Variants in TNR observed in about 807,000 individuals in gnomAD.
The protein encoded by TNR is tenascin-R.
A neutral mutation model predicts 150.4 loss-of-function variants in TNR; 45 were observed. That is an observed-to-expected ratio of 0.30 (90% CI 0.24 to 0.38). TNR has a LOEUF of 0.38. Ranked by LOEUF, TNR falls within the 10% of genes least tolerant of loss-of-function variation. The pLI, the probability that TNR is intolerant of heterozygous loss-of-function variation, is 1.00. For synonymous variants in TNR, 687 were observed against 678.4 expected, an observed-to-expected ratio of 1.01 and a Z score of -0.20; for missense variants, 1,544 against 1,759.1, an observed-to-expected ratio of 0.88 and a Z score of 2.19.
intron 1 of TNR, among the ~76,000 whole-genome samples, chr1:175,630,718 T>A (rs887892281): frequency 1.3e-5 from 2 of 152,358 alleles, no homozygotes; most frequent in East Asian, 3.9e-4. Flanking sequence ...ATCCTTTTAA[T>A]GAATAAAACA....
chr1:175,338,576 G>C (rs1371763915), intron 18 of TNR, among the ~76,000 whole-genome samples: 1 of 152,140 alleles, frequency 6.6e-6, no homozygotes. Context: ...TGATCTTCTG[G>C]GTTGATGAAG....
At chr1:175,608,173 A>T (rs1200062109) in intron 1 of TNR, among the ~76,000 whole-genome samples, 1 of 152,242 alleles carries the variant, frequency 6.6e-6, no homozygotes, top group Non-Finnish European at 1.5e-5. Flanking sequence ...AGTGAATCCA[A>T]TCAGTAAAAT....
At chr1:175,669,804 G>A (rs751263727) in intron 1 of TNR, among the ~76,000 whole-genome samples, 7 of 152,164 alleles carry the variant, frequency 4.6e-5, no homozygotes, top group East Asian at 1.9e-4. Context: ...ATACCAATCT[G>A]AGTCATTGGT....
intron 2 of TNR, among the ~76,000 whole-genome samples, chr1:175,462,864 T>C (rs1305628692): frequency 1.3e-5 from 2 of 152,166 alleles, no homozygotes; most frequent in Non-Finnish European, 2.9e-5. Flanking sequence ...TTGAAAGGGC[T>C]ATAAGGGAGG....
At chr1:175,566,740 C>T (rs936394231) in intron 1 of TNR, among the ~76,000 whole-genome samples, 18 of 152,174 alleles carry the variant, frequency 1.2e-4, no homozygotes, top group Admixed American at 1.2e-3. Flanking sequence ...GTTCTGATTC[C>T]CCAGATTAAT....
intron 18 of TNR, among the ~76,000 whole-genome samples, chr1:175,352,943 G>T (rs1376042146): frequency 6.6e-6 from 1 of 152,082 alleles, no homozygotes; most frequent in Non-Finnish European, 1.5e-5. Flanking sequence ...CACCTCTCTG[G>T]GGATGGAGGA....
chr1:175,417,011 AAAAGAAAGAAAGAAAGAAAG>A (rs61354589), intron 2 of TNR, among the ~76,000 whole-genome samples: 12 of 90,902 alleles, frequency 1.3e-4, no homozygotes, highest in South Asian at 7.2e-4. Context: ...CCATCTCAAA[AAAAGAAAGAAAGAAAGAAAG>A]AAAGAAAGAA....
intron 1 of TNR, among the ~76,000 whole-genome samples, chr1:175,729,548 C>T (rs1475845866): frequency 1.3e-5 from 2 of 152,130 alleles, no homozygotes; most frequent in Non-Finnish European, 2.9e-5. Flanking sequence ...CTACCTCAAC[C>T]TCCCAAAACA....
At chr1:175,614,976 G>A (rs1410852488) in intron 1 of TNR, among the ~76,000 whole-genome samples, 2 of 152,254 alleles carry the variant, frequency 1.3e-5, no homozygotes, top group Non-Finnish European at 2.9e-5. Flanking sequence ...CCACAGCCTG[G>A]AGGGCTGCTA....
At chr1:175,448,384 G>C (rs1571454460) in intron 2 of TNR, among the ~76,000 whole-genome samples, 1 of 152,052 alleles carries the variant, frequency 6.6e-6, no homozygotes, top group Non-Finnish European at 1.5e-5. Context: ...GCTAATTTTT[G>C]TATTTTTAGT....
At chr1:175,331,343 A>T (rs1649921083) in intron 20 of TNR, among the ~76,000 whole-genome samples, 3 of 145,122 alleles carry the variant, frequency 2.1e-5, no homozygotes, top group African/African-American at 7.7e-5. Flanking sequence ...GGCTCACTGC[A>T]AGCTCCACCT....
chr1:175,426,801 T>TAATATATATAAAATATA (rs1362077924), intron 2 of TNR, among the ~76,000 whole-genome samples: 3 of 140,384 alleles, frequency 2.1e-5, no homozygotes, highest in Non-Finnish European at 4.5e-5. Flanking sequence ...TGTATATATA[T>TAATATATATAAAATATA]AATATATATA....
chr1:175,696,229 T>TTGTTGTTGTTG (rs1558077885), intron 1 of TNR, among the ~76,000 whole-genome samples: 5 of 121,648 alleles, frequency 4.1e-5, no homozygotes, highest in African/African-American at 1.6e-4. Flanking sequence ...TTTTTTTTTT[T>TTGTTGTTGTTG]TTTTTTTTTT....
chr1:175,625,848 T>A (rs1397466588), intron 1 of TNR, among the ~76,000 whole-genome samples: 1 of 152,176 alleles, frequency 6.6e-6, no homozygotes, highest in African/African-American at 2.4e-5. Context: ...CCCCACAGGC[T>A]GAAATGATAT....
At chr1:175,476,314 A>T (rs1225193002) in intron 2 of TNR, among the ~76,000 whole-genome samples, 1 of 152,168 alleles carries the variant, frequency 6.6e-6, no homozygotes, top group Non-Finnish European at 1.5e-5. Context: ...AGTCTAATTG[A>T]CAAGATTTCC....
intron 1 of TNR, among the ~76,000 whole-genome samples, chr1:175,707,551 T>C (rs1215368026): frequency 6.6e-6 from 1 of 152,224 alleles, no homozygotes; most frequent in Non-Finnish European, 1.5e-5. Flanking sequence ...TTGGCTGATC[T>C]GCCTTTAGAG....
intron 1 of TNR, among the ~76,000 whole-genome samples, chr1:175,616,553 C>G (rs1197758223): frequency 6.6e-6 from 1 of 152,162 alleles, no homozygotes; most frequent in East Asian, 1.9e-4. Flanking sequence ...GAAACAAAAT[C>G]TCTTCTCTGG....
intron 1 of TNR, among the ~76,000 whole-genome samples, chr1:175,581,852 C>T (rs1269442326): frequency 2.0e-5 from 3 of 151,982 alleles, no homozygotes; most frequent in Admixed American, 6.6e-5. Flanking sequence ...ATCTAGAAGC[C>T]GACAAGCTTG....
chr1:175,447,555 C>T (rs1656110589), intron 2 of TNR, among the ~76,000 whole-genome samples: 1 of 152,194 alleles, frequency 6.6e-6, no homozygotes, highest in African/African-American at 2.4e-5. Context: ...TATAAATCAG[C>T]AAATTGAAAA....
Sources: gnomAD v4.1 joint callset for allele counts (sites outside exome capture counted in the v4.1 genomes callset) on GRCh38, gnomAD v4.1.1 for gene constraint, MANE v1.5 for transcripts, NCBI Gene and HGNC (gene_info 2026-07-23, HGNC 2026-07-21) for gene names.